MLIP: variants seen among roughly 807,000 people sequenced by gnomAD.
MLIP encodes the protein muscular LMNA-interacting protein.
Under a neutral mutation model 84.8 loss-of-function variants are expected in MLIP, and 79 were observed. The observed-to-expected ratio is 0.93, with a 90% CI of 0.78 to 1.12. The LOEUF is 1.12. MLIP is among the 50% of genes most tolerant of loss of function. The pLI is 0.00. For missense variants in MLIP, 1,257 were observed against 1,160.6 expected, an observed-to-expected ratio of 1.08 and a Z score of -1.21; for synonymous variants, 504 against 463.0, an observed-to-expected ratio of 1.09 and a Z score of -1.14.
intron 11 of MLIP, among the ~76,000 whole-genome samples, chr6:54,228,381 A>G (rs1438918617): frequency 2.6e-5 from 4 of 152,152 alleles, no homozygotes; most frequent in Non-Finnish European, 4.4e-5. Flanking sequence ...GAATCCTTTC[A>G]TCTTTGTATT....
chr6:54,054,840 A>G (rs1194418216), intron 1 of MLIP, among the ~76,000 whole-genome samples: 5 of 152,080 alleles, frequency 3.3e-5, no homozygotes, highest in African/African-American at 9.7e-5. Context: ...CGCAGAAGTA[A>G]TTCACATAAG....
rs960039578 is a variant in MLIP, at chr6:54,220,132, G to A, written c.2719-10582G>A. On this transcript the variant is annotated intron_variant, in intron 11 of 13. Coordinates refer to ENST00000502396, the MANE Select transcript of MLIP (RefSeq NM_001281747.2). ...CTGAAAATCTACTTGAATTTGATAAGAAGTAGGTTATTTTTTGAAATGATT... is the reference window on the plus strand; with the variant it reads ...CTGAAAATCTACTTGAATTTGATAAAAAGTAGGTTATTTTTTGAAATGATT... Among the ~76,000 whole-genome samples, 6 of 152,076 alleles carry A rather than the reference G, an allele frequency of 3.9e-5. 1 individual carries two copies. Among genetic ancestry groups the A allele is most frequent in the African/African-American group, 1.4e-4 (6 of 41,396 alleles).
intron 1 of MLIP, among the ~76,000 whole-genome samples, chr6:54,094,721 C>G (rs1768094503): frequency 6.6e-6 from 1 of 151,884 alleles, no homozygotes; most frequent in Non-Finnish European, 1.5e-5. Flanking sequence ...AAATATAACC[C>G]TCATTGCTGC....
At chr6:54,081,644 C>A (rs1023175064) in intron 1 of MLIP, among the ~76,000 whole-genome samples, 2 of 152,050 alleles carry the variant, frequency 1.3e-5, no homozygotes, top group Non-Finnish European at 2.9e-5. Context: ...AACTCCTGAC[C>A]TCAGGTGATC....
intron 9 of MLIP, among the ~76,000 whole-genome samples, chr6:54,184,279 G>C (rs1562029532): frequency 6.6e-6 from 1 of 152,144 alleles, no homozygotes. Context: ...ATTATATTCA[G>C]GTGGAAGGGA....
At chr6:54,106,368 T>C (rs768166708) in intron 1 of MLIP, among the ~76,000 whole-genome samples, 1 of 152,110 alleles carries the variant, frequency 6.6e-6, no homozygotes, top group Non-Finnish European at 1.5e-5. Context: ...GAATACGTCC[T>C]TCAGCCTGAC....
chr6:54,183,531 C>T (rs530987095), intron 9 of MLIP, among the ~76,000 whole-genome samples: 1 of 151,886 alleles, frequency 6.6e-6, no homozygotes, highest in East Asian at 1.9e-4. Context: ...CTTTTATTTC[C>T]CTATTTGTAC....
intron 12 of MLIP, among the ~76,000 whole-genome samples, chr6:54,251,361 T>A (rs2150869443): frequency 6.8e-6 from 1 of 146,584 alleles, no homozygotes; most frequent in South Asian, 2.1e-4. Context: ...TCTAGCACAT[T>A]GTGATATGTT....
Position 54,124,738 on chromosome 6 carries a change from A to G in MLIP, c.518A>G (p.Lys173Arg). 2 of 1,614,204 alleles carry G rather than the reference A, an allele frequency of 1.2e-6. No individual in the cohort carries two copies. Among genetic ancestry groups the G allele is most frequent in the Non-Finnish European group, 1.7e-6 (2 of 1,180,022 alleles). Residue 173 changes from lysine to arginine, a missense_variant, in exon 3 of 14, where the codon AAG (lysine) becomes AGG (arginine). By Grantham distance (26) the Lys-to-Arg change is conservative (BLOSUM62 2). Coordinates refer to ENST00000502396, the MANE Select transcript of MLIP (RefSeq NM_001281747.2). ...ATTGGCACCGCAGCTGTCCGGCCCA[A>G]GTCTCTAGCTATCTCGTCCAGTCTG... ...GGIGTAAVRP[K>R]SLAISSSLVS...
chr6:54,237,365 G>A (rs553077585), intron 12 of MLIP, among the ~76,000 whole-genome samples: 1 of 152,150 alleles, frequency 6.6e-6, no homozygotes, highest in Admixed American at 6.5e-5. Context: ...GAGCCCTGAG[G>A]CAAAGAAAAG....
chr6:54,090,695 A>AAG (rs148755535), intron 1 of MLIP, among the ~76,000 whole-genome samples: 4 of 145,192 alleles, frequency 2.8e-5, no homozygotes, highest in South Asian at 2.2e-4. Flanking sequence ...GAGACAGAGA[A>AAG]AGAGAGAGAG....
chr6:54,024,914 T>C (rs1756177220), intron 1 of MLIP, among the ~76,000 whole-genome samples: 1 of 152,018 alleles, frequency 6.6e-6, no homozygotes, highest in Admixed American at 6.6e-5. Flanking sequence ...CTCGGCTCAC[T>C]GCAACCTCTG....
intron 1 of MLIP, among the ~76,000 whole-genome samples, chr6:54,106,278 A>T (rs1769009168): frequency 6.6e-6 from 1 of 152,144 alleles, no homozygotes; most frequent in South Asian, 2.1e-4. Context: ...AAGAAGGCAG[A>T]GTGACTTTGG....
chr6:54,217,233 T>C, intron 11 of MLIP: 1 of 985,322 alleles, frequency 1.0e-6, no homozygotes, highest in Non-Finnish European at 1.2e-6. Flanking sequence ...GAAGTGAATT[T>C]TCACCCTTCA....
chr6:54,238,798 G>C (rs926911461), intron 12 of MLIP, among the ~76,000 whole-genome samples: 9 of 152,252 alleles, frequency 5.9e-5, no homozygotes, highest in African/African-American at 2.2e-4. Flanking sequence ...AGCCATCCTT[G>C]AGGATATTTT....
Position 54,121,458 on chromosome 6 carries a change from T to C in MLIP, c.108T>C (p.Gly36=), listed in dbSNP as rs34491532. 1.5e-4 allele frequency: 239 copies of C among 1,614,088 alleles called. No homozygotes were observed. The African/African-American group carries it at 3.0e-3, about 20-fold the overall frequency. The change falls in exon 2 of 14, where the codon GGT becomes GGC. Residue 36 remains glycine (G), a synonymous_variant. Coordinates refer to ENST00000502396, the MANE Select transcript of MLIP (RefSeq NM_001281747.2). ...SIQTTPQVSA[G]GSEAKPLIFT... ...TACATGTCTCATAGGTCTCTGCTGG[T>C]GGTTCTGAAGCCAAACCTCTGATCT... is the stretch of plus-strand genomic sequence containing the variant.
At chr6:54,171,473 G>A (rs1189290638) in intron 9 of MLIP, among the ~76,000 whole-genome samples, 2 of 151,542 alleles carry the variant, frequency 1.3e-5, no homozygotes, top group African/African-American at 2.4e-5. Context: ...AGACCATAAA[G>A]GATCATTTTA....
At chr6:54,093,140 G>A (rs750610754) in intron 1 of MLIP, among the ~76,000 whole-genome samples, 1 of 152,034 alleles carries the variant, frequency 6.6e-6, no homozygotes, top group African/African-American at 2.4e-5. Flanking sequence ...GCGTCCCAAA[G>A]TGCTGGGATT....
At chr6:54,229,940 A>G (rs1306105149) in intron 11 of MLIP, among the ~76,000 whole-genome samples, 1 of 152,178 alleles carries the variant, frequency 6.6e-6, no homozygotes, top group African/African-American at 2.4e-5. Context: ...TGTAGCCTCA[A>G]GACTTCTTAC....
Sources: allele counts gnomAD v4.1 joint callset (sites outside exome capture counted in the v4.1 genomes callset), GRCh38; gene constraint gnomAD v4.1.1; transcripts MANE v1.5; gene names NCBI Gene and HGNC (gene_info 2026-07-23, HGNC 2026-07-21).